DNAH1: variants seen among roughly 807,000 people sequenced by gnomAD.
DNAH1 encodes axonemal beta dynein heavy chain 1.
In DNAH1, 327 loss-of-function variants were observed where a neutral mutation model predicts 484.3. The observed-to-expected ratio is 0.68, with a 90% confidence interval of 0.62 to 0.74. The LOEUF (loss-of-function observed/expected upper bound fraction) is 0.74. DNAH1 is among the 30% of genes least tolerant of loss of function. The pLI, the probability that DNAH1 is intolerant of heterozygous loss-of-function variation, is 0.00. For missense variants in DNAH1, 5,052 were observed against 5,546.8 expected (o/e 0.91, Z 2.83); for synonymous variants, 2,192 against 2,191.9 (o/e 1.00, Z 0.00).
At chr3:52,389,654 T>C in intron 60 of DNAH1, 68 bp downstream of exon 60, 1 of 1,273,972 alleles carries the variant, frequency 7.8e-7, no homozygotes, top group Non-Finnish European at 1.0e-6. Flanking sequence ...GCCAGGAGCC[T>C]TCTGCCTCCT....
chr3:52,357,532 G>C (rs946272564), intron 22 of DNAH1, 82 bp from the exon 23 acceptor site: 14 of 1,525,710 alleles, frequency 9.2e-6, no homozygotes, highest in Non-Finnish European at 1.2e-5. Flanking sequence ...GCTCTGGCTG[G>C]TGTGGGTGCT....
rs1704108495 is a variant in DNAH1, at chr3:52,386,327, C to T, written c.8793C>T (p.Asn2931=). ...DAALASLRNL[N]KNDVTEVRAM... ...CTCTGGCCAGCCTGCGCAACCTCAA[C>T]AAGAACGATGTGACCGAGGTGGGCA... Residue 2931 remains asparagine (N), a synonymous_variant, in exon 55 of 78, where the codon AAC becomes AAT. Transcript: ENST00000420323. 6.3e-6 allele frequency: 10 copies of T among 1,585,674 alleles called. No homozygotes were observed. The highest frequency in any genetic ancestry group is 6.9e-6 in the Non-Finnish European group (8 of 1,166,458).
At chr3:52,382,243 A>AG (rs1409068367) in intron 49 of DNAH1, 77 bp from the exon 50 acceptor site, 37 of 1,607,764 alleles carry the variant, frequency 2.3e-5, no homozygotes, top group Admixed American at 8.3e-5. Flanking sequence ...TGGTCAGGGT[A>AG]GGGTGTGGTC....
chr3:52,323,734 C>A, intron 2 of DNAH1, 74 bp from the exon 3 acceptor site: 1 of 1,286,422 alleles, frequency 7.8e-7, no homozygotes, highest in South Asian at 1.3e-5. Flanking sequence ...GGCGCCTGGG[C>A]TCGGGGTCCC....
At chr3:52,383,759 C>T in intron 51 of DNAH1, 101 bp from the exon 52 acceptor site, 20 of 1,439,944 alleles carry the variant, frequency 1.4e-5, no homozygotes, top group Non-Finnish European at 1.7e-5. Context: ...CTGCTGTGTC[C>T]TGGCTGCCAT....
chr3:52,392,756 C>A, intron 64 of DNAH1, 67 bp downstream of exon 64: 1 of 1,461,264 alleles, frequency 6.8e-7, no homozygotes, highest in Non-Finnish European at 9.3e-7. Flanking sequence ...CCTCTCCCTG[C>A]CTGCCCTAGG....
chr3:52,322,142 G>A (rs1397999965), intron 1 of DNAH1, among the ~76,000 whole-genome samples: 1 of 152,186 alleles, frequency 6.6e-6, no homozygotes, highest in African/African-American at 2.4e-5. Context: ...GGCATCTGCA[G>A]TGTTTCCCCT....
chr3:52,335,873 A>G (rs973052114), intron 8 of DNAH1, among the ~76,000 whole-genome samples: 3 of 151,348 alleles, frequency 2.0e-5, no homozygotes, highest in African/African-American at 4.9e-5. Context: ...ACCTCAAGTA[A>G]TCTGCCCACC....
At position 52,392,665 on chromosome 3, in the gene DNAH1, C is replaced by G. The variant is rs1221867551; in HGVS notation, c.10254C>G (p.Ser3418=). 1 of 1,605,796 alleles carries G rather than the reference C, an allele frequency of 6.2e-7. No homozygotes were observed. ...DMELIKVLEA[S]KMKAAEIQAK... Reference sequence around the variant, plus strand: ...AACTCATCAAGGTGCTGGAAGCCTCCAAGATGAAGGCTGCTGAGATCCAGG... The same window carrying G: ...AACTCATCAAGGTGCTGGAAGCCTCGAAGATGAAGGCTGCTGAGATCCAGG... Residue 3418 remains serine, a synonymous_variant, in exon 64 of 78, where the codon TCC becomes TCG. Transcript: ENST00000420323.
chr3:52,374,427 C>T (rs1578167338), intron 44 of DNAH1: 2 of 1,328,764 alleles, frequency 1.5e-6, no homozygotes, highest in African/African-American at 1.4e-5. Flanking sequence ...GATGACACTT[C>T]TCAAATGCTG....
rs774218446 is a variant in DNAH1, at chr3:52,386,770, A to G, written c.8920A>G (p.Lys2974Glu). The change falls in exon 56 of 78, where the codon AAG becomes GAG. Residue 2974 changes from lysine (K) to glutamate (E), a missense_variant. Around this residue, in one of 4 missense-constraint regions of DNAH1, gnomAD observed 2,929 missense variants for 3,409.4 expected, o/e 0.86. Coordinates refer to ENST00000420323, the MANE Select transcript of DNAH1 (RefSeq NM_015512.5). ...KKVPGEKPGT[K>E]VDDYWEPGKG... ...GGTGCCTGGAGAAAAGCCAGGCACCAAGGTGGATGACTACTGGGAGCCTGG... is the reference window on the plus strand; with the variant it reads ...GGTGCCTGGAGAAAAGCCAGGCACCGAGGTGGATGACTACTGGGAGCCTGG... 5.7e-6 allele frequency: 9 copies of G among 1,589,140 alleles called. No homozygotes were observed. In the East Asian group the frequency reaches 1.8e-4, roughly 32 times the overall value.
intron 8 of DNAH1, 79 bp from the exon 9 acceptor site, chr3:52,344,411 C>G: frequency 1.3e-6 from 2 of 1,549,814 alleles, no homozygotes; most frequent in Non-Finnish European, 1.8e-6. Flanking sequence ...AGGTCCATGC[C>G]AGAGCAGAGC....
At chr3:52,311,598 C>T (rs1578043910), upstream of DNAH1, among the ~76,000 whole-genome samples, 1 of 152,320 alleles carries the variant, frequency 6.6e-6, no homozygotes. Context: ...CTCCAGCCCT[C>T]CTTTGCCTGA....
chr3:52,324,348 G>C (rs1340028197), intron 3 of DNAH1, among the ~76,000 whole-genome samples: 2 of 152,200 alleles, frequency 1.3e-5, no homozygotes, highest in Non-Finnish European at 2.9e-5. Context: ...GAGAGTCTCA[G>C]AGCACAGCTA....
In DNAH1 at chr3:52,374,527, C is replaced by T. The variant is rs1195933750; in HGVS notation, c.6986-713C>T. 39 of 1,490,018 alleles carry T rather than the reference C, an allele frequency of 2.6e-5. No homozygotes were observed. In the East Asian group the frequency reaches 5.7e-4, roughly 22 times the overall value. 92.3% of individuals were successfully genotyped at this position (1,490,018 alleles called of 1,614,324 possible). A position where few individuals can be genotyped will look rare whatever the true frequency, so the allele number is the denominator to read the frequency against. On this transcript the variant is annotated intron_variant, in intron 44 of 77. Coordinates refer to ENST00000420323, the MANE Select transcript of DNAH1 (RefSeq NM_015512.5). ...ATTGAACCATCAGAATTTGTGAAGA[C>T]CATGGAGCCCCTCTTCCGGCAGTTG...
rs1704557310 is a variant in DNAH1 at position 52,395,016 on chromosome 3, A to C, written c.10925A>C (p.Asp3642Ala). The C allele has an allele frequency of 3.7e-6, 6 of 1,611,338 alleles. No homozygotes were observed. The East Asian group carries it at 1.3e-4, about 36-fold the overall frequency. The change falls in exon 68 of 78, where the codon GAC (aspartate) becomes GCC (alanine). Residue 3642 changes from aspartate (D) to alanine (A), a missense_variant. Asp to Ala is a moderately radical substitution (Grantham distance 126). Coordinates refer to ENST00000420323, the MANE Select transcript of DNAH1 (RefSeq NM_015512.5). This position sits in a 1 kb window ranked among gnomAD's most constrained non-coding sequence, Gnocchi z 4.4. The part of the protein sequence containing the change: ...RGDKVTNAMQ[D>A]FVATNLEPRF... ...GACAAGGTTACCAACGCCATGCAGG[A>C]CTTTGTGGCCACCAACCTGGAGCCA...
rs367905815 is a variant in DNAH1, at chr3:52,400,426, A to T, written c.12778A>T (p.Ile4260Phe). Reference sequence around the variant, plus strand: ...CTGGATAAAGCGTGGTGTGGCCCTCATCTGTGCCCTGGACTACTAGACTCA... The same window carrying T: ...CTGGATAAAGCGTGGTGTGGCCCTCTTCTGTGCCCTGGACTACTAGACTCA... ...RHWIKRGVAL[I>F]CALDY The change falls in exon 78 of 78, where the codon ATC becomes TTC. Residue 4260 changes from isoleucine (I) to phenylalanine (F), a missense_variant. Ile to Phe is a conservative substitution (Grantham distance 21, BLOSUM62 0). This residue lies in a region of DNAH1 where 853 missense variants were observed against 899.0 expected (regional missense o/e 0.95). Transcript: ENST00000420323. 16 of 1,613,884 alleles carry T rather than the reference A, an allele frequency of 9.9e-6. No individual in the cohort carries two copies. Among genetic ancestry groups the T allele is most frequent in the Non-Finnish European group, 1.3e-5 (15 of 1,179,882 alleles).
intron 16 of DNAH1, among the ~76,000 whole-genome samples, chr3:52,351,475 A>G (rs1025881060): frequency 3.2e-4 from 49 of 152,244 alleles, no homozygotes; most frequent in African/African-American, 1.1e-3. Context: ...CCCCACGACC[A>G]GCATCCCTAG....
At position 52,381,830 on chromosome 3, in the gene DNAH1, C is replaced by T. The variant is rs772867114; in HGVS notation, c.7799C>T (p.Ser2600Leu). The stretch of plus-strand genomic sequence containing the variant: ...CGCAGCTCCCTCACAAGGCTCGCCT[C>T]GCACATGTGAGCGCCTCCAGGGCGT... Reference protein sequence around the residue: ...SGRSSLTRLASHMAEYECFQI... With the variant: ...SGRSSLTRLALHMAEYECFQI... Residue 2600 changes from serine to leucine, a missense_variant, in exon 49 of 78, where the codon TCG (serine) becomes TTG (leucine). By Grantham distance (145) the Ser-to-Leu change is moderately radical (BLOSUM62 -2). Transcript: ENST00000420323. This position sits in a 1 kb window ranked among gnomAD's most constrained non-coding sequence, Gnocchi z 4.1. 3.8e-6 allele frequency: 6 copies of T among 1,592,870 alleles called. No individual in the cohort carries two copies. Among genetic ancestry groups the T allele is most frequent in the Admixed American group, 3.5e-5 (2 of 57,650 alleles).
Sources: allele counts gnomAD v4.1 joint callset (sites outside exome capture counted in the v4.1 genomes callset), GRCh38; gene constraint gnomAD v4.1.1; regional missense constraint gnomAD v4.1.1; non-coding constraint Gnocchi (gnomAD v3.1); transcripts MANE v1.5; gene names NCBI Gene and HGNC (gene_info 2026-07-23, HGNC 2026-07-21).